IRAK2: variants seen among roughly 807,000 people sequenced by gnomAD.
IRAK2 encodes the protein interleukin-1 receptor-associated kinase-like 2.
In IRAK2, 57 loss-of-function variants were observed where a neutral mutation model predicts 72.0. The ratio of observed to expected loss-of-function variants is 0.79; its 90% CI spans 0.64 to 0.99. IRAK2 has a LOEUF of 0.99. Among genes scored for constraint, IRAK2 ranks in the 50% least tolerant of loss-of-function variants. The pLI, the probability that IRAK2 is intolerant of heterozygous loss-of-function variation, is 0.00. For missense variants in IRAK2, 790 were observed against 794.4 expected (o/e 0.99, Z 0.07); for synonymous variants, 293 against 312.7 (o/e 0.94, Z 0.67).
intron 7 of IRAK2, among the ~76,000 whole-genome samples, chr3:10,219,120 C>T (rs947775642): frequency 6.6e-6 from 1 of 152,090 alleles, no homozygotes; most frequent in Admixed American, 6.6e-5. Flanking sequence ...GTCACTTCAG[C>T]CTGGGATTTT....
Position 10,213,426 on chromosome 3 carries a change from G to A in IRAK2, c.723+25G>A, listed in dbSNP as rs918746995. On this transcript the variant is annotated intron_variant, in intron 5 of 12. Coordinates refer to ENST00000256458, the MANE Select transcript of IRAK2 (RefSeq NM_001570.4). ...GGTGAGCACTTCTTGGTTTCTAGTG[G>A]GGGTGGAGGCTGCAGGGGTGGGGCG... is the stretch of plus-strand genomic sequence containing the variant. The A allele has an allele frequency of 3.7e-6, 6 of 1,613,310 alleles. No homozygotes were observed. The African/African-American group carries it at 6.7e-5, about 18-fold the overall frequency.
Position 10,233,806 on chromosome 3 carries a change from T to C in IRAK2, c.1273-653T>C, listed in dbSNP as rs867974551. Among the ~76,000 whole-genome samples the C allele has an allele frequency of 1.9e-4, 29 of 152,326 alleles. No individual in the cohort carries two copies. The South Asian group carries it at 4.8e-3, about 25-fold the overall frequency. On this transcript the variant is annotated intron_variant, in intron 10 of 12. Coordinates refer to ENST00000256458, the MANE Select transcript of IRAK2 (RefSeq NM_001570.4). ...GTGTCAGATGTCACTCTCTGTGCTT[T>C]AGGTGCACTGTTTCATTGAATGGTT...
intron 12 of IRAK2, among the ~76,000 whole-genome samples, chr3:10,239,241 C>A (rs1000343513): frequency 2.6e-5 from 4 of 152,202 alleles, no homozygotes; most frequent in African/African-American, 9.6e-5. Context: ...CGGTTAATCA[C>A]CCAGTCCTGT....
At chr3:10,207,220 T>C (rs909665629) in intron 3 of IRAK2, among the ~76,000 whole-genome samples, 1 of 152,198 alleles carries the variant, frequency 6.6e-6, no homozygotes, top group East Asian at 1.9e-4. Context: ...CCCAAAGTGC[T>C]GGGATTACAA....
intron 2 of IRAK2, among the ~76,000 whole-genome samples, chr3:10,195,067 G>T (rs976487979): frequency 1.3e-5 from 2 of 152,198 alleles, no homozygotes; most frequent in Non-Finnish European, 2.9e-5. Flanking sequence ...GCCACCGCAT[G>T]TCACTGCAGA....
chr3:10,215,732 A>G (rs566933960), intron 6 of IRAK2, among the ~76,000 whole-genome samples: 1 of 146,442 alleles, frequency 6.8e-6, no homozygotes, highest in Admixed American at 7.2e-5. Context: ...TCATACATGT[A>G]TATGAATACT....
intron 7 of IRAK2, among the ~76,000 whole-genome samples, chr3:10,218,570 A>G (rs1697641263): frequency 6.6e-6 from 1 of 151,986 alleles, no homozygotes; most frequent in African/African-American, 2.4e-5. Flanking sequence ...TACAGATAAA[A>G]TCAGCGTAAG....
intron 2 of IRAK2, among the ~76,000 whole-genome samples, chr3:10,181,532 G>A (rs1038488): frequency 0.29 from 44,084 of 151,864 alleles, 7,562 homozygotes; most frequent in Non-Finnish European, 0.39. Flanking sequence ...CCTGGGAGGC[G>A]GAGGTTGCAG....
chr3:10,184,750 G>A lies in IRAK2; in HGVS notation c.277+6730G>A, dbSNP rs1311679356. ...TTTTTTTTTTTTTTTTTTTTTTTGAGACGGAGCCTTGCTCTGTCGCCCAGG... is the reference window on the plus strand; with the variant it reads ...TTTTTTTTTTTTTTTTTTTTTTTGAAACGGAGCCTTGCTCTGTCGCCCAGG... On this transcript the variant is annotated intron_variant, in intron 2 of 12. Transcript: ENST00000256458. Among the ~76,000 whole-genome samples, 5 of 83,850 alleles carry A rather than the reference G, an allele frequency of 6.0e-5. No homozygotes were observed. In the East Asian group the frequency reaches 1.9e-3, roughly 32 times the overall value. The allele number at this position is 83,850 out of a possible 152,430, so 55.0% of individuals were successfully genotyped here. A position where few individuals can be genotyped will look rare whatever the true frequency, so the allele number is the denominator to read the frequency against.
chr3:10,218,656 A>G (rs1473124821), intron 7 of IRAK2, among the ~76,000 whole-genome samples: 1 of 152,162 alleles, frequency 6.6e-6, no homozygotes, highest in African/African-American at 2.4e-5. Flanking sequence ...GAAATTCCAG[A>G]GCAGCCTCTG....
At chr3:10,221,236 C>T (rs1309023086) in intron 8 of IRAK2, among the ~76,000 whole-genome samples, 1 of 139,934 alleles carries the variant, frequency 7.1e-6, no homozygotes, top group Non-Finnish European at 1.5e-5. Context: ...ACTAAAAATA[C>T]CAAAAAAAAA....
intron 2 of IRAK2, among the ~76,000 whole-genome samples, chr3:10,178,446 C>G (rs1696912833): frequency 1.3e-5 from 2 of 150,598 alleles, no homozygotes; most frequent in South Asian, 4.2e-4. Flanking sequence ...GACAGTGAGA[C>G]TCTGTCTCCA....
At chr3:10,186,584 A>G (rs1697078088) in intron 2 of IRAK2, among the ~76,000 whole-genome samples, 3 of 151,564 alleles carry the variant, frequency 2.0e-5, no homozygotes, top group Admixed American at 2.0e-4. Flanking sequence ...TTTGCCTTTG[A>G]GCTCTCTGTA....
rs749922546 is a variant in IRAK2, at chr3:10,242,252, C to G, written c.*24C>G. ...GATGACCGGAACACAGCTGAGGACC[C>G]TTGTCCTCAGTTGGAAAGATGAGCA... is the stretch of plus-strand genomic sequence containing the variant. On this transcript the variant is annotated 3_prime_UTR_variant, in exon 13 of 13. Transcript: ENST00000256458. 3.0e-6 allele frequency: 4 copies of G among 1,350,888 alleles called. No homozygotes were observed. The highest frequency in any genetic ancestry group is 4.2e-6 in the Non-Finnish European group (4 of 956,406). The allele number at this position is 1,350,888 out of a possible 1,614,324, so 83.7% of individuals were successfully genotyped here. A position where few individuals can be genotyped will look rare whatever the true frequency, so the allele number is the denominator to read the frequency against.
At chr3:10,237,065 C>G (rs1697972649) in intron 11 of IRAK2, among the ~76,000 whole-genome samples, 1 of 152,216 alleles carries the variant, frequency 6.6e-6, no homozygotes, top group African/African-American at 2.4e-5. Flanking sequence ...GGACACACTC[C>G]CTTTCTTTTA....
At chr3:10,210,693 C>A (rs1180365864) in intron 4 of IRAK2, among the ~76,000 whole-genome samples, 2 of 151,956 alleles carry the variant, frequency 1.3e-5, no homozygotes, top group South Asian at 2.1e-4. Context: ...TGGAGACCAG[C>A]CTAGGCAACA....
chr3:10,194,157 C>T (rs1171103533), intron 2 of IRAK2, among the ~76,000 whole-genome samples: 1 of 152,184 alleles, frequency 6.6e-6, no homozygotes, highest in Non-Finnish European at 1.5e-5. Flanking sequence ...ATTCTGATTC[C>T]ACAGGAGAGG....
In IRAK2 at chr3:10,199,414, G is replaced by A. The variant is rs1458384552; in HGVS notation, c.278-955G>A. 2.0e-5 allele frequency among the ~76,000 whole-genome samples: 3 copies of A among 152,226 alleles called. No individual in the cohort carries two copies. In the East Asian group the frequency reaches 5.8e-4, roughly 29 times the overall value. ...CTCAGTTTCCTCATCTCTGAACAGG[G>A]ATGAGAAGCAGAGATGTTGTGAGGA... On this transcript the variant is annotated intron_variant, in intron 2 of 12. Coordinates refer to ENST00000256458, the MANE Select transcript of IRAK2 (RefSeq NM_001570.4).
At chr3:10,170,117 C>G (rs1466054733) in intron 1 of IRAK2, among the ~76,000 whole-genome samples, 1 of 152,182 alleles carries the variant, frequency 6.6e-6, no homozygotes, top group Non-Finnish European at 1.5e-5. Flanking sequence ...GAGTCGGTCT[C>G]CTGGCCTTGA....
Sources: gnomAD v4.1 joint callset for allele counts (sites outside exome capture counted in the v4.1 genomes callset) on GRCh38, gnomAD v4.1.1 for gene constraint, MANE v1.5 for transcripts, NCBI Gene and HGNC (gene_info 2026-07-23, HGNC 2026-07-21) for gene names.